The following ANKS1A variants were observed in gnomAD, a reference collection of about 807,000 sequenced individuals.
The protein encoded by ANKS1A is ankyrin repeat and sterile alpha motif domain containing 1A.
A neutral mutation model predicts 120.3 loss-of-function variants in ANKS1A; 55 were observed. The ratio of observed to expected loss-of-function variants is 0.46; its 90% confidence interval spans 0.37 to 0.57. The LOEUF is 0.57. Among genes scored for constraint, ANKS1A ranks in the 20% least tolerant of loss-of-function variants. The pLI is 0.00. For missense variants in ANKS1A, 1,123 were observed against 1,480.3 expected (o/e 0.76, Z 3.96); for synonymous variants, 590 against 604.7 (o/e 0.98, Z 0.36).
At chr6:34,934,444 A>G (rs1009966092) in intron 1 of ANKS1A, among the ~76,000 whole-genome samples, 15 of 152,146 alleles carry the variant, frequency 9.9e-5, no homozygotes, top group Non-Finnish European at 1.5e-4. Flanking sequence ...CACCACGCCC[A>G]GCCACCCCCA....
intron 17 of ANKS1A, among the ~76,000 whole-genome samples, chr6:35,081,732 G>A (rs550941174): frequency 6.6e-6 from 1 of 152,342 alleles, no homozygotes; most frequent in East Asian, 1.9e-4. Flanking sequence ...TCCAGCCCTG[G>A]CGGAGGTGGG....
chr6:34,959,968 C>T (rs550954414), intron 1 of ANKS1A, among the ~76,000 whole-genome samples: 261 of 152,256 alleles, frequency 1.7e-3, no homozygotes, highest in Non-Finnish European at 2.0e-3. Flanking sequence ...CCTCCGTTTT[C>T]TACCCCTGGC....
downstream of ANKS1A, among the ~76,000 whole-genome samples, chr6:35,091,640 A>T (rs1778309008): frequency 6.6e-6 from 1 of 152,210 alleles, no homozygotes; most frequent in Non-Finnish European, 1.5e-5. Context: ...CTCCTTAGGA[A>T]CATCGTTCTG....
chr6:34,904,146 T>G (rs914778050), intron 1 of ANKS1A, among the ~76,000 whole-genome samples: 4 of 152,210 alleles, frequency 2.6e-5, no homozygotes, highest in Admixed American at 6.5e-5. Context: ...TGGCGTAGTA[T>G]TTGTGTAAAA....
intron 1 of ANKS1A, among the ~76,000 whole-genome samples, chr6:34,935,380 C>T (rs1468051660): frequency 6.6e-6 from 1 of 152,222 alleles, no homozygotes; most frequent in East Asian, 1.9e-4. Context: ...AGCCACTTGG[C>T]CTGGCTGGTT....
intron 1 of ANKS1A, among the ~76,000 whole-genome samples, chr6:34,953,815 A>G (rs1467526971): frequency 6.6e-6 from 1 of 152,104 alleles, no homozygotes; most frequent in Non-Finnish European, 1.5e-5. Flanking sequence ...CACTGTAATG[A>G]TTGTTTTGCT....
intron 1 of ANKS1A, among the ~76,000 whole-genome samples, chr6:34,913,169 A>T (rs1183445440): frequency 6.6e-6 from 1 of 152,166 alleles, no homozygotes; most frequent in Non-Finnish European, 1.5e-5. Context: ...AACCCTGTAA[A>T]ATTGAAAAAG....
At position 35,089,671 on chromosome 6, in the gene ANKS1A, G is replaced by A. The variant is rs1307628112; in HGVS notation, c.*1062G>A. ...TGACAGTGCATCGATGCTCCCCCGC[G>A]TGGCCTTTGGGGCAGGCTGGCATCC... is the stretch of plus-strand genomic sequence containing the variant. On this transcript the variant is annotated 3_prime_UTR_variant, in exon 24 of 24. Coordinates refer to ENST00000360359, the MANE Select transcript of ANKS1A (RefSeq NM_015245.3). 9.1e-6 allele frequency: 9 copies of A among 991,510 alleles called. No individual in the cohort carries two copies. The highest frequency in any genetic ancestry group is 1.1e-5 in the Non-Finnish European group (9 of 833,742). 61.4% of individuals were successfully genotyped at this position (991,510 alleles called of 1,614,324 possible). A position where few individuals can be genotyped will look rare whatever the true frequency, so the allele number is the denominator to read the frequency against.
chr6:35,047,352 T>C (rs1295774976), intron 11 of ANKS1A, among the ~76,000 whole-genome samples: 3 of 152,176 alleles, frequency 2.0e-5, no homozygotes, highest in African/African-American at 7.2e-5. Flanking sequence ...AGTAGAAGTT[T>C]AGGATGTTTT....
At chr6:34,931,976 C>G (rs1769007020) in intron 1 of ANKS1A, among the ~76,000 whole-genome samples, 3 of 152,090 alleles carry the variant, frequency 2.0e-5, no homozygotes, top group Admixed American at 1.3e-4. Flanking sequence ...TAGTTGATAG[C>G]CTCTAGAGAA....
Position 35,084,225 on chromosome 6 carries a change from C to T in ANKS1A, c.3099C>T (p.His1033=). The change falls in exon 21 of 24, where the codon CAC becomes CAT. Residue 1033 remains histidine, a synonymous_variant. Coordinates refer to ENST00000360359, the MANE Select transcript of ANKS1A (RefSeq NM_015245.3). The surrounding 1 kb of genome is among the most constrained non-coding windows in gnomAD (Gnocchi z 4.8). ...TCACCAAGGACCTGCAGACCAGCCA[C>T]CACTATTGCCATGTGTTCAGCACCG... The part of the protein sequence containing the change: ...AYITKDLQTS[H]HYCHVFSTVD... 6.2e-7 allele frequency: 1 copy of T among 1,614,224 alleles called. No individual in the cohort carries two copies. The highest frequency in any genetic ancestry group is 8.5e-7 in the Non-Finnish European group (1 of 1,180,038).
intron 1 of ANKS1A, among the ~76,000 whole-genome samples, chr6:34,907,498 C>T (rs898515887): frequency 2.6e-4 from 40 of 152,042 alleles, no homozygotes; most frequent in African/African-American, 8.5e-4. Context: ...ATCCCACAAA[C>T]GCTATATTTT....
intron 9 of ANKS1A, among the ~76,000 whole-genome samples, chr6:34,989,712 G>A (rs1444938885): frequency 6.6e-6 from 1 of 152,042 alleles, no homozygotes; most frequent in African/African-American, 2.4e-5. Context: ...TCTTATTCCT[G>A]TTTTTGTATT....
intron 11 of ANKS1A, among the ~76,000 whole-genome samples, chr6:35,042,546 G>A (rs1313989253): frequency 5.9e-5 from 9 of 152,224 alleles, no homozygotes. Flanking sequence ...GTGTCCATGT[G>A]TCTAAAGACC....
At chr6:34,942,957 CTTTCCT>C (rs1028643256) in intron 1 of ANKS1A, among the ~76,000 whole-genome samples, 19 of 149,858 alleles carry the variant, frequency 1.3e-4, no homozygotes, top group East Asian at 3.9e-4. Context: ...CCCCTTTCCC[CTTTCCT>C]TTTCCTTTTC....
chr6:35,043,587 A>G (rs1363075027), intron 11 of ANKS1A, among the ~76,000 whole-genome samples: 2 of 152,232 alleles, frequency 1.3e-5, no homozygotes, highest in Non-Finnish European at 2.9e-5. Flanking sequence ...GGCTTTCCAC[A>G]TGTGCCATTG....
chr6:35,097,484 G>A, the ANKS1A span, among the ~76,000 whole-genome samples: 2 of 151,216 alleles, frequency 1.3e-5, no homozygotes, highest in Admixed American at 1.3e-4. Flanking sequence ...ACTCCAGCCT[G>A]GGTGACACAG....
intron 7 of ANKS1A, among the ~76,000 whole-genome samples, chr6:34,983,787 T>C (rs1772038104): frequency 6.8e-6 from 1 of 147,530 alleles, no homozygotes; most frequent in Admixed American, 6.8e-5. Context: ...TGACGAGTAA[T>C]AAATTTTTTT....
intron 11 of ANKS1A, among the ~76,000 whole-genome samples, chr6:35,024,737 G>C (rs376570304): frequency 1.6e-4 from 25 of 152,306 alleles, no homozygotes; most frequent in African/African-American, 3.8e-4. Context: ...GCCCTTTCCA[G>C]CTCTTTCTCA....
Sources: gnomAD v4.1 joint callset for allele counts (sites outside exome capture counted in the v4.1 genomes callset) on GRCh38, gnomAD v4.1.1 for gene constraint, Gnocchi (gnomAD v3.1) non-coding constraint, MANE v1.5 for transcripts, NCBI Gene and HGNC (gene_info 2026-07-23, HGNC 2026-07-21) for gene names.